The following NALF1 variants were observed in gnomAD, a reference collection of about 807,000 sequenced individuals.
NALF1 encodes family with sequence similarity 155 member A.
A neutral mutation model predicts 48.4 loss-of-function variants in NALF1; 3 were observed. The observed-to-expected ratio is 0.06, with a 90% CI of 0.03 to 0.16. The LOEUF (loss-of-function observed/expected upper bound fraction) is 0.16. NALF1 is among the 10% of genes least tolerant of loss of function. The pLI is 1.00. For missense variants in NALF1, 526 were observed against 571.5 expected, an observed-to-expected ratio of 0.92 and a Z score of 0.81; for synonymous variants, 262 against 245.7, an observed-to-expected ratio of 1.07 and a Z score of -0.62.
chr13:107,533,934 G>A (rs1876721325), intron 1 of NALF1, among the ~76,000 whole-genome samples: 2 of 152,038 alleles, frequency 1.3e-5, no homozygotes, highest in African/African-American at 4.8e-5. Context: ...GGGAGGGGGA[G>A]AGACAAAAAG....
chr13:107,290,889 A>G (rs1172172377), intron 1 of NALF1, among the ~76,000 whole-genome samples: 2 of 152,106 alleles, frequency 1.3e-5, no homozygotes, highest in Admixed American at 6.6e-5. Flanking sequence ...ATGTCATTGA[A>G]TAAAAGGAAA....
At chr13:107,373,629 T>G (rs931835412) in intron 1 of NALF1, among the ~76,000 whole-genome samples, 25 of 152,174 alleles carry the variant, frequency 1.6e-4, no homozygotes, top group African/African-American at 5.8e-4. Flanking sequence ...CTCCATCTGA[T>G]TGCAAAAGAT....
In NALF1 at chr13:107,618,467, T is replaced by C. The variant is rs375993775; in HGVS notation, c.915+247215A>G. Reference sequence around the variant, plus strand: ...TTTTCAATAGAAGACTTATCCTAATTTTTACCTTAAAAAGATGATTTGGCC... The same window carrying C: ...TTTTCAATAGAAGACTTATCCTAATCTTTACCTTAAAAAGATGATTTGGCC... On this transcript the variant is annotated intron_variant, in intron 1 of 2. Coordinates refer to ENST00000375915, the MANE Select transcript of NALF1 (RefSeq NM_001080396.3). 3.5e-4 allele frequency among the ~76,000 whole-genome samples: 54 copies of C among 152,248 alleles called. 1 individual carries two copies. The South Asian group carries it at 0.011, about 30-fold the overall frequency.
chr13:107,668,417 G>C (rs946313075), intron 1 of NALF1, among the ~76,000 whole-genome samples: 1 of 151,814 alleles, frequency 6.6e-6, no homozygotes, highest in Non-Finnish European at 1.5e-5. Flanking sequence ...CGAAGAGCTG[G>C]TGGTGCCTCT....
intron 1 of NALF1, among the ~76,000 whole-genome samples, chr13:107,568,976 GA>G (rs1877899469): frequency 6.6e-6 from 1 of 152,104 alleles, no homozygotes; most frequent in African/African-American, 2.4e-5. Flanking sequence ...TTATGCTTGT[GA>G]TGTCCAATCT....
At chr13:107,781,045 AT>A (rs1307288659) in intron 1 of NALF1, among the ~76,000 whole-genome samples, 1 of 152,212 alleles carries the variant, frequency 6.6e-6, no homozygotes, top group Non-Finnish European at 1.5e-5. Flanking sequence ...CATAGGAGAA[AT>A]GTCAAATACT....
chr13:107,477,437 T>A (rs1030495608), intron 1 of NALF1, among the ~76,000 whole-genome samples: 1 of 152,066 alleles, frequency 6.6e-6, no homozygotes, highest in African/African-American at 2.4e-5. Flanking sequence ...CTTGGGCCAA[T>A]CCTCCTAAGG....
In NALF1 at chr13:107,413,506, T is replaced by G. The variant is rs560393613; in HGVS notation, c.916-202751A>C. On this transcript the variant is annotated intron_variant, in intron 1 of 2. Coordinates refer to ENST00000375915, the MANE Select transcript of NALF1 (RefSeq NM_001080396.3). ...ATCATATATATTTAAGAAATGGGAGTGACACAATTGAATTGTAGATGCTGG... is the reference window on the plus strand; with the variant it reads ...ATCATATATATTTAAGAAATGGGAGGGACACAATTGAATTGTAGATGCTGG... Among the ~76,000 whole-genome samples, 16 of 152,192 alleles carry G rather than the reference T, an allele frequency of 1.1e-4. No homozygotes were observed. The East Asian group carries it at 3.1e-3, about 29-fold the overall frequency.
intron 2 of NALF1, among the ~76,000 whole-genome samples, chr13:107,174,362 TA>T (rs764675943): frequency 8.6e-4 from 117 of 135,542 alleles, no homozygotes; most frequent in Non-Finnish European, 1.4e-3. Context: ...TTTATTTATT[TA>T]TTTTTTTTTT....
At chr13:107,584,378 G>A (rs1878395707) in intron 1 of NALF1, among the ~76,000 whole-genome samples, 2 of 152,216 alleles carry the variant, frequency 1.3e-5, no homozygotes, top group East Asian at 1.9e-4. Context: ...GTATTTTAAT[G>A]CATGCCTGTT....
intron 1 of NALF1, among the ~76,000 whole-genome samples, chr13:107,433,424 A>G (rs78089081): frequency 2.6e-5 from 4 of 152,128 alleles, no homozygotes; most frequent in African/African-American, 9.7e-5. Context: ...ATTGCCCATT[A>G]TATATCAAAT....
At chr13:107,710,811 A>G (rs138887620) in intron 1 of NALF1, among the ~76,000 whole-genome samples, 5,238 of 72,150 alleles carry the variant, frequency 0.073, 383 homozygotes, top group East Asian at 0.46. Context: ...ATATACATAT[A>G]TGTGTATATA....
rs117241172 is a variant in NALF1 at position 107,736,248 on chromosome 13, T to C, written c.915+129434A>G. 1.1e-3 allele frequency among the ~76,000 whole-genome samples: 165 copies of C among 151,838 alleles called. 1 individual carries two copies. In the East Asian group the frequency reaches 0.028, roughly 26 times the overall value. ...ACGCGCGCGTGTACCTAATAAGCTG[T>C]ATCTAAACAGCTGCACTGTGTTTGT... On this transcript the variant is annotated intron_variant, in intron 1 of 2. Transcript: ENST00000375915.
chr13:107,302,553 T>C (rs1487507240), intron 1 of NALF1, among the ~76,000 whole-genome samples: 3 of 151,964 alleles, frequency 2.0e-5, no homozygotes, highest in African/African-American at 7.3e-5. Context: ...ATTACAACAC[T>C]GGGGCTCCAA....
chr13:107,534,859 C>G (rs1876754531), intron 1 of NALF1, among the ~76,000 whole-genome samples: 1 of 152,100 alleles, frequency 6.6e-6, no homozygotes, highest in Non-Finnish European at 1.5e-5. Flanking sequence ...ACAGAGTATT[C>G]AGTGTGAAGC....
chr13:107,499,791 C>A (rs1040163789), intron 1 of NALF1, among the ~76,000 whole-genome samples: 1 of 151,850 alleles, frequency 6.6e-6, no homozygotes, highest in African/African-American at 2.4e-5. Context: ...TTTATGAGTA[C>A]GTATTGTCTC....
intron 1 of NALF1, among the ~76,000 whole-genome samples, chr13:107,252,100 C>G (rs897005365): frequency 2.6e-5 from 4 of 152,230 alleles, no homozygotes; most frequent in African/African-American, 2.4e-5. Flanking sequence ...TCTACCACCC[C>G]CACTGGGCAT....
At chr13:107,842,631 A>C (rs16971278) in intron 1 of NALF1, among the ~76,000 whole-genome samples, 10,741 of 151,556 alleles carry the variant, frequency 0.071, 464 homozygotes, top group East Asian at 0.18. Flanking sequence ...ATTCAAAAGC[A>C]CATGATATAC....
At chr13:107,485,318 A>G (rs1885312543) in intron 1 of NALF1, among the ~76,000 whole-genome samples, 1 of 152,152 alleles carries the variant, frequency 6.6e-6, no homozygotes, top group South Asian at 2.1e-4. Context: ...CACTTCTGCT[A>G]GAGCCTCAGC....
Sources: allele counts gnomAD v4.1 joint callset (sites outside exome capture counted in the v4.1 genomes callset), GRCh38; gene constraint gnomAD v4.1.1; transcripts MANE v1.5; gene names NCBI Gene and HGNC (gene_info 2026-07-23, HGNC 2026-07-21).